CSGALNACT1: variants seen among roughly 807,000 people sequenced by gnomAD.
The protein encoded by CSGALNACT1 is chondroitin sulfate N-acetylgalactosaminyltransferase 1.
Under a neutral mutation model 51.0 loss-of-function variants are expected in CSGALNACT1, and 52 were observed. The observed-to-expected ratio is 1.02, with a 90% CI of 0.82 to 1.29. The LOEUF is 1.29. Ranked by LOEUF, CSGALNACT1 falls within the 50% of genes most tolerant of loss-of-function variation. The pLI, the probability that CSGALNACT1 is intolerant of heterozygous loss-of-function variation, is 0.00. For synonymous variants in CSGALNACT1, 341 were observed against 254.4 expected (o/e 1.34, Z -3.24); for missense variants, 935 against 679.2 (o/e 1.38, Z -4.19).
chr8:19,457,661 A>G (rs542961592), intron 5 of CSGALNACT1: 1 of 1,290,578 alleles, frequency 7.7e-7, no homozygotes, highest in African/African-American at 1.5e-5. Context: ...ATTTATAATT[A>G]GACAGTAGGA....
intron 4 of CSGALNACT1, among the ~76,000 whole-genome samples, chr8:19,459,055 A>AT (rs1487453177): frequency 6.6e-6 from 1 of 152,160 alleles, no homozygotes; most frequent in Admixed American, 6.5e-5. Context: ...ATTATACTTA[A>AT]TTTTAAAAAT....
intron 1 of CSGALNACT1, among the ~76,000 whole-genome samples, chr8:19,630,586 G>T (rs536525557): frequency 6.0e-4 from 91 of 152,194 alleles, no homozygotes; most frequent in African/African-American, 2.2e-3. Context: ...TACAGTATCA[G>T]GCAGCATAAT....
At chr8:19,709,305 T>C (rs1318950912) in intron 1 of CSGALNACT1, among the ~76,000 whole-genome samples, 1 of 152,232 alleles carries the variant, frequency 6.6e-6, no homozygotes, top group Admixed American at 6.5e-5. Context: ...ACAAATACGT[T>C]ATATGTATAT....
intron 3 of CSGALNACT1, among the ~76,000 whole-genome samples, chr8:19,528,631 C>A (rs1215606579): frequency 6.6e-6 from 1 of 152,136 alleles, no homozygotes; most frequent in Non-Finnish European, 1.5e-5. Context: ...ATCTCTCCTT[C>A]CTTAAACCCA....
chr8:19,650,968 G>A (rs1030283333), intron 1 of CSGALNACT1, among the ~76,000 whole-genome samples: 1 of 152,132 alleles, frequency 6.6e-6, no homozygotes, highest in African/African-American at 2.4e-5. Flanking sequence ...AGAGTTTACA[G>A]CATCAGGAGA....
At chr8:19,442,607 T>G (rs2061500999) in intron 5 of CSGALNACT1, among the ~76,000 whole-genome samples, 1 of 149,978 alleles carries the variant, frequency 6.7e-6, no homozygotes, top group African/African-American at 2.4e-5. Context: ...CATTAGGATA[T>G]ATGCCTAATG....
intron 1 of CSGALNACT1, among the ~76,000 whole-genome samples, chr8:19,707,829 T>C (rs1388144383): frequency 1.3e-5 from 2 of 152,056 alleles, no homozygotes; most frequent in East Asian, 1.9e-4. Flanking sequence ...GGTGAAACCC[T>C]GTCTCTACTA....
intron 5 of CSGALNACT1, among the ~76,000 whole-genome samples, chr8:19,448,603 G>A (rs546156655): frequency 1.3e-5 from 2 of 152,134 alleles, no homozygotes; most frequent in African/African-American, 2.4e-5. Context: ...TCCACTGGGT[G>A]CCAGGGAAAG....
intron 1 of CSGALNACT1, among the ~76,000 whole-genome samples, chr8:19,617,594 T>C (rs1222297326): frequency 6.6e-6 from 1 of 152,204 alleles, no homozygotes; most frequent in African/African-American, 2.4e-5. Flanking sequence ...TACAGAGATA[T>C]ACATTTACCA....
chr8:19,424,888 G>C (rs1310109153), intron 6 of CSGALNACT1, among the ~76,000 whole-genome samples: 1 of 152,214 alleles, frequency 6.6e-6, no homozygotes, highest in Non-Finnish European at 1.5e-5. Context: ...AGACTGTAGT[G>C]GTTGCCAGGC....
chr8:19,487,450 T>C (rs2073239800), intron 4 of CSGALNACT1, among the ~76,000 whole-genome samples: 1 of 152,206 alleles, frequency 6.6e-6, no homozygotes, highest in Non-Finnish European at 1.5e-5. Flanking sequence ...AACACGATGG[T>C]GGAGCCCACA....
At chr8:19,750,118 A>G (rs2154253171) in intron 1 of CSGALNACT1, among the ~76,000 whole-genome samples, 2 of 152,286 alleles carry the variant, frequency 1.3e-5, no homozygotes, top group Admixed American at 1.3e-4. Flanking sequence ...GACTTGTTCC[A>G]ACTTCCATGA....
At chr8:19,524,928 G>C (rs1175241171) in intron 3 of CSGALNACT1, among the ~76,000 whole-genome samples, 2 of 152,182 alleles carry the variant, frequency 1.3e-5, no homozygotes, top group African/African-American at 4.8e-5. Context: ...GACACAGAGA[G>C]AGAGAGACAG....
chr8:19,630,431 T>C (rs1162139864), intron 1 of CSGALNACT1, among the ~76,000 whole-genome samples: 7 of 152,126 alleles, frequency 4.6e-5, no homozygotes, highest in Admixed American at 3.9e-4. Flanking sequence ...TCCCCCATTA[T>C]TAACATCATG....
intron 3 of CSGALNACT1, among the ~76,000 whole-genome samples, chr8:19,541,648 G>A (rs2085194503): frequency 6.9e-6 from 1 of 144,120 alleles, no homozygotes; most frequent in Non-Finnish European, 1.5e-5. Context: ...GATGCACCCT[G>A]TGTTGGCCTC....
At chr8:19,656,801 C>T (rs927244719) in intron 1 of CSGALNACT1, among the ~76,000 whole-genome samples, 6 of 152,168 alleles carry the variant, frequency 3.9e-5, no homozygotes, top group Non-Finnish European at 8.8e-5. Context: ...GATGCAGTGG[C>T]TCACGCCTGT....
intron 4 of CSGALNACT1, among the ~76,000 whole-genome samples, chr8:19,463,531 GAA>G (rs949856279): frequency 1.3e-5 from 2 of 152,202 alleles, no homozygotes; most frequent in Non-Finnish European, 1.5e-5. Context: ...TGAGGGAAGG[GAA>G]AGTATTCCAA....
intron 1 of CSGALNACT1, among the ~76,000 whole-genome samples, chr8:19,701,706 AT>A (rs2061889276): frequency 6.6e-6 from 1 of 152,210 alleles, no homozygotes; most frequent in South Asian, 2.1e-4. Context: ...CAATGTTAAT[AT>A]CTATGCAGCG....
intron 3 of CSGALNACT1, among the ~76,000 whole-genome samples, chr8:19,581,284 T>C (rs2045507871): frequency 6.6e-6 from 1 of 152,212 alleles, no homozygotes. Context: ...TACTGCCAGA[T>C]ATAAATAGCA....
Sources: gnomAD v4.1 joint callset for allele counts (sites outside exome capture counted in the v4.1 genomes callset) on GRCh38, gnomAD v4.1.1 for gene constraint, MANE v1.5 for transcripts, NCBI Gene and HGNC (gene_info 2026-07-23, HGNC 2026-07-21) for gene names.